ZNF385D: variants seen among roughly 807,000 people sequenced by gnomAD.
The protein encoded by ZNF385D is zinc finger protein 659.
In ZNF385D, 15 loss-of-function variants were observed where a neutral mutation model predicts 35.8. The ratio of observed to expected loss-of-function variants is 0.42; its 90% CI spans 0.28 to 0.64. ZNF385D has a LOEUF of 0.64. Ranked by LOEUF, ZNF385D falls within the 30% of genes least tolerant of loss-of-function variation. The pLI, the probability that ZNF385D is intolerant of heterozygous loss-of-function variation, is 0.23. For missense variants in ZNF385D, 474 were observed against 494.6 expected, an observed-to-expected ratio of 0.96 and a Z score of 0.39; for synonymous variants, 212 against 186.8, an observed-to-expected ratio of 1.13 and a Z score of -1.10.
intron 3 of ZNF385D, among the ~76,000 whole-genome samples, chr3:22,145,026 G>A (rs1704762411): frequency 6.6e-6 from 1 of 151,932 alleles, no homozygotes; most frequent in South Asian, 2.1e-4. Flanking sequence ...GTGTGTGTGT[G>A]TGTGTGTGTG....
intron 1 of ZNF385D, among the ~76,000 whole-genome samples, chr3:21,712,011 A>C (rs754754865): frequency 1.3e-5 from 2 of 152,076 alleles, no homozygotes; most frequent in East Asian, 3.9e-4. Context: ...ATACTATCTA[A>C]TTATTTATTT....
intron 3 of ZNF385D, among the ~76,000 whole-genome samples, chr3:21,792,005 T>C (rs2071950730): frequency 6.6e-6 from 1 of 152,332 alleles, no homozygotes; most frequent in East Asian, 1.9e-4. Flanking sequence ...AGTGCTGGGA[T>C]TCCAGGCGTG....
chr3:22,206,184 G>C (rs977442555), intron 2 of ZNF385D, among the ~76,000 whole-genome samples: 1 of 151,910 alleles, frequency 6.6e-6, no homozygotes, highest in Admixed American at 6.6e-5. Context: ...AAGAGACAAA[G>C]AGGTCATTAT....
intron 2 of ZNF385D, among the ~76,000 whole-genome samples, chr3:21,626,094 G>A (rs548603045): frequency 2.0e-5 from 3 of 152,136 alleles, no homozygotes; most frequent in African/African-American, 4.8e-5. Context: ...AATCACCCAA[G>A]GTCACATACC....
At chr3:21,691,907 G>C (rs2067298918) in intron 1 of ZNF385D, among the ~76,000 whole-genome samples, 1 of 152,024 alleles carries the variant, frequency 6.6e-6, no homozygotes, top group South Asian at 2.1e-4. Flanking sequence ...CCCAGTCCCT[G>C]GTAACCACTA....
At chr3:21,989,649 T>C (rs776932332) in intron 3 of ZNF385D, among the ~76,000 whole-genome samples, 6 of 151,354 alleles carry the variant, frequency 4.0e-5, no homozygotes, top group Non-Finnish European at 7.4e-5. Context: ...CATGTTCTTA[T>C]GACATCATGT....
At chr3:22,062,315 A>T (rs560743448) in intron 3 of ZNF385D, among the ~76,000 whole-genome samples, 65 of 152,238 alleles carry the variant, frequency 4.3e-4, no homozygotes, top group Non-Finnish European at 7.1e-4. Context: ...TCAGCCTCCC[A>T]AAGGGCTGGA....
chr3:21,753,543 T>G (rs899583959), upstream of ZNF385D, among the ~76,000 whole-genome samples: 9 of 152,166 alleles, frequency 5.9e-5, no homozygotes, highest in Non-Finnish European at 7.4e-5. Flanking sequence ...CTATACAATG[T>G]AATTCTGTTC....
Position 21,468,212 on chromosome 3 carries a change from G to A in ZNF385D, c.440-31009C>T, listed in dbSNP as rs142373592. Among the ~76,000 whole-genome samples, 1,208 of 151,776 alleles carry A rather than the reference G, an allele frequency of 8.0e-3. 16 individuals carry two copies. Among genetic ancestry groups the A allele is most frequent in the Non-Finnish European group, 0.01 (692 of 67,918 alleles). ...AAGGTCAGAAGTTTGAGATGAGCCT[G>A]GCCAACATGGTGAAACCCATCTCTA... is the stretch of plus-strand genomic sequence containing the variant. On this transcript the variant is annotated intron_variant, in intron 4 of 7. Coordinates refer to ENST00000281523, the MANE Select transcript of ZNF385D (RefSeq NM_024697.3).
chr3:21,820,501 TA>T (rs1326715074), intron 3 of ZNF385D, among the ~76,000 whole-genome samples: 2 of 151,764 alleles, frequency 1.3e-5, no homozygotes, highest in African/African-American at 4.8e-5. Context: ...GCTTGTATTT[TA>T]AAAAACTAAA....
In ZNF385D at chr3:21,742,129, A is replaced by C. The variant is rs149776938; in HGVS notation, c.22+8766T>G. Among the ~76,000 whole-genome samples, 466 of 152,334 alleles carry C rather than the reference A, an allele frequency of 3.1e-3. 5 individuals are homozygous for C. Among genetic ancestry groups the C allele is most frequent in the African/African-American group, 0.01 (432 of 41,566 alleles). On this transcript the variant is annotated intron_variant, in intron 1 of 7. Transcript: ENST00000281523. ...CCTTCATAACAAGGTCCATTTATAC[A>C]GTGCTTTGGAGATTATAAAGTTTGT...
At position 21,799,983 on chromosome 3, in the gene ZNF385D, C is replaced by A. The variant is rs187496643; in HGVS notation, c.326-134955G>T. Among the ~76,000 whole-genome samples, 4 of 152,202 alleles carry A rather than the reference C, an allele frequency of 2.6e-5. No homozygotes were observed. The East Asian group carries it at 7.7e-4, about 29-fold the overall frequency. On this transcript the variant is annotated intron_variant, in intron 3 of 5. Coordinates refer to the ZNF385D transcript ENST00000494108. ...TTTTCGCATGTAGATACCCAGTTGTCTCAGAAATATTGGTTGAAAAGACCA... is the reference window on the plus strand; with the variant it reads ...TTTTCGCATGTAGATACCCAGTTGTATCAGAAATATTGGTTGAAAAGACCA...
chr3:22,294,872 C>G (rs1169123329), intron 2 of ZNF385D, among the ~76,000 whole-genome samples: 1 of 151,988 alleles, frequency 6.6e-6, no homozygotes, highest in South Asian at 2.1e-4. Context: ...ATTAGATATC[C>G]TTTGTGTTTA....
intron 3 of ZNF385D, among the ~76,000 whole-genome samples, chr3:22,047,996 A>G (rs1253380979): frequency 6.6e-6 from 1 of 152,156 alleles, no homozygotes; most frequent in Non-Finnish European, 1.5e-5. Context: ...CCTGATGATT[A>G]GTGATGCTGA....
At chr3:21,477,457 A>C (rs1160663956) in intron 4 of ZNF385D, among the ~76,000 whole-genome samples, 1 of 152,004 alleles carries the variant, frequency 6.6e-6, no homozygotes, top group East Asian at 1.9e-4. Flanking sequence ...TCAAAAACAT[A>C]CTGGACTTTT....
At chr3:22,006,103 T>C (rs1043000031) in intron 3 of ZNF385D, among the ~76,000 whole-genome samples, 7 of 152,138 alleles carry the variant, frequency 4.6e-5, no homozygotes, top group South Asian at 2.1e-4. Flanking sequence ...TCTAATTTCA[T>C]ATGATGATCT....
chr3:21,599,302 GGCAAA>G (rs1357919817), intron 2 of ZNF385D, among the ~76,000 whole-genome samples: 1 of 152,116 alleles, frequency 6.6e-6, no homozygotes, highest in African/African-American at 2.4e-5. Context: ...GTGTTTGTTT[GGCAAA>G]TACCAAATAC....
At chr3:22,044,072 A>C (rs553328943) in intron 3 of ZNF385D, among the ~76,000 whole-genome samples, 20 of 148,370 alleles carry the variant, frequency 1.3e-4, no homozygotes, top group African/African-American at 5.0e-4. Context: ...TGATGAGATG[A>C]AACACGAAAC....
At chr3:22,297,433 C>T (rs568370259) in intron 2 of ZNF385D, among the ~76,000 whole-genome samples, 1 of 152,096 alleles carries the variant, frequency 6.6e-6, no homozygotes, top group Non-Finnish European at 1.5e-5. Context: ...ATACCTGGAG[C>T]AAAGTCTAGG....
Sources: allele counts gnomAD v4.1 joint callset (sites outside exome capture counted in the v4.1 genomes callset), GRCh38; gene constraint gnomAD v4.1.1; transcripts MANE v1.5; gene names NCBI Gene and HGNC (gene_info 2026-07-23, HGNC 2026-07-21).